The following KCNJ3 variants were observed in gnomAD, a reference collection of about 807,000 sequenced individuals.
The protein encoded by KCNJ3 is potassium inwardly rectifying channel subfamily J member 3.
In KCNJ3, 4 loss-of-function variants were observed where a neutral mutation model predicts 39.2. That is an observed-to-expected ratio of 0.10 (90% CI 0.05 to 0.23). The LOEUF (loss-of-function observed/expected upper bound fraction) is 0.23. Among genes scored for constraint, KCNJ3 ranks in the 10% least tolerant of loss-of-function variants. The pLI, the probability that KCNJ3 is intolerant of heterozygous loss-of-function variation, is 1.00. For synonymous variants in KCNJ3, 230 were observed against 237.4 expected (o/e 0.97, Z 0.29); for missense variants, 276 against 634.9 (o/e 0.43, Z 6.08).
chr2:154,854,920 A>G lies in KCNJ3; in HGVS notation c.1113A>G (p.Leu371=), dbSNP rs777428649. 6.2e-7 allele frequency: 1 copy of G among 1,614,034 alleles called. No individual in the cohort carries two copies. The highest frequency in any genetic ancestry group is 8.5e-7 in the Non-Finnish European group (1 of 1,179,942). The change falls in exon 3 of 3, where the codon TTA becomes TTG. Residue 371 remains leucine, a synonymous_variant. Coordinates refer to ENST00000295101, the MANE Select transcript of KCNJ3 (RefSeq NM_002239.4). ...QEEMLLMSSP[L]IAPAITNSKE... ...AAATGCTTCTCATGTCGTCCCCTTTAATAGCACCAGCCATAACTAACAGCA... is the reference window on the plus strand; with the variant it reads ...AAATGCTTCTCATGTCGTCCCCTTTGATAGCACCAGCCATAACTAACAGCA...
intron 2 of KCNJ3, among the ~76,000 whole-genome samples, chr2:154,846,323 G>T (rs1687662608): frequency 1.3e-5 from 2 of 152,084 alleles, no homozygotes; most frequent in African/African-American, 2.4e-5. Flanking sequence ...GATCACTAAA[G>T]AATTATTTAA....
Position 154,817,414 on chromosome 2 carries a change from C to T in KCNJ3, c.920-37313C>T, listed in dbSNP as rs189907531. Among the ~76,000 whole-genome samples the T allele has an allele frequency of 3.7e-3, 564 of 152,108 alleles. 4 individuals are homozygous for T. Among genetic ancestry groups the T allele is most frequent in the Non-Finnish European group, 6.7e-3 (455 of 67,982 alleles). On this transcript the variant is annotated intron_variant, in intron 2 of 2. Transcript: ENST00000295101. The stretch of plus-strand genomic sequence containing the variant: ...TTAGAGCTGGAGTTAGCTTTTTTGC[C>T]AGAAATCCAAGCCCCAGAGAGCAAG...
chr2:154,711,566 T>A (rs1289868584), intron 2 of KCNJ3, among the ~76,000 whole-genome samples: 2 of 152,150 alleles, frequency 1.3e-5, no homozygotes, highest in Non-Finnish European at 2.9e-5. Context: ...CGTTTTTCTA[T>A]AAAATCACGG....
chr2:154,754,792 A>G (rs938339842), intron 2 of KCNJ3, among the ~76,000 whole-genome samples: 3 of 152,152 alleles, frequency 2.0e-5, no homozygotes, highest in Non-Finnish European at 2.9e-5. Context: ...ATTTTTCTCC[A>G]TTTTTAAGAA....
At chr2:154,750,195 G>A (rs1350639701) in intron 2 of KCNJ3, among the ~76,000 whole-genome samples, 2 of 151,866 alleles carry the variant, frequency 1.3e-5, no homozygotes, top group African/African-American at 4.8e-5. Flanking sequence ...TGAAATAAGA[G>A]CTTCCTTATG....
chr2:154,844,539 A>T (rs780112711), intron 2 of KCNJ3, among the ~76,000 whole-genome samples: 1 of 152,202 alleles, frequency 6.6e-6, no homozygotes, highest in African/African-American at 2.4e-5. Flanking sequence ...TTGTTCAGCT[A>T]TGTCCTGCCC....
Position 154,739,963 on chromosome 2 carries a change from C to T in KCNJ3, c.919+30144C>T, listed in dbSNP as rs148831409. On this transcript the variant is annotated intron_variant, in intron 2 of 2. Transcript: ENST00000295101. ...GAGTTTTCCTCTCTGTAAATAGAAA[C>T]GAGAAGCAGTGGGGTATAGAAATGG... Among the ~76,000 whole-genome samples, 244 of 151,926 alleles carry T rather than the reference C, an allele frequency of 1.6e-3. 2 individuals are homozygous for T. Among genetic ancestry groups the T allele is most frequent in the African/African-American group, 5.7e-3 (237 of 41,456 alleles).
At chr2:154,778,496 A>G (rs780553110) in intron 2 of KCNJ3, among the ~76,000 whole-genome samples, 2 of 152,112 alleles carry the variant, frequency 1.3e-5, no homozygotes, top group East Asian at 1.9e-4. Context: ...CTACAATATC[A>G]GTCAGGGAGT....
intron 2 of KCNJ3, among the ~76,000 whole-genome samples, chr2:154,776,189 A>G (rs1275436663): frequency 6.6e-6 from 1 of 151,938 alleles, no homozygotes; most frequent in Non-Finnish European, 1.5e-5. Flanking sequence ...TTTAGTAGAG[A>G]TGGGGTTTCT....
intron 2 of KCNJ3, among the ~76,000 whole-genome samples, chr2:154,724,473 G>A (rs956580119): frequency 6.6e-6 from 1 of 151,912 alleles, no homozygotes; most frequent in Non-Finnish European, 1.5e-5. Context: ...TCAACTTTTC[G>A]TACAGCTCGA....
At chr2:154,785,792 C>G (rs1686519090) in intron 2 of KCNJ3, among the ~76,000 whole-genome samples, 1 of 152,170 alleles carries the variant, frequency 6.6e-6, no homozygotes, top group Non-Finnish European at 1.5e-5. Flanking sequence ...ATTTCCCCTT[C>G]TTATAAGGAT....
intron 2 of KCNJ3, among the ~76,000 whole-genome samples, chr2:154,773,002 G>A (rs1686268833): frequency 6.6e-6 from 1 of 151,908 alleles, no homozygotes; most frequent in Non-Finnish European, 1.5e-5. Context: ...AGTGCTGTAA[G>A]ATCTACAATC....
chr2:154,853,551 T>C (rs1687791058), intron 2 of KCNJ3, among the ~76,000 whole-genome samples: 1 of 152,114 alleles, frequency 6.6e-6, no homozygotes, highest in South Asian at 2.1e-4. Flanking sequence ...GGGATGGTTT[T>C]TAAAATTCAT....
At position 154,855,273 on chromosome 2, in the gene KCNJ3, C is replaced by G; in HGVS notation, c.1466C>G (p.Pro489Arg). ...GGAARMEGNL[P>R]AKLRKMNSDR... ...GCAGCTAGGATGGAAGGGAACCTTC[C>G]AGCCAAATTAAGAAAAATGAACTCT... is the stretch of plus-strand genomic sequence containing the variant. Residue 489 changes from proline (P) to arginine (R), a missense_variant, in exon 3 of 3, where the codon CCA becomes CGA. Physicochemically the swap from Pro to Arg is moderately radical, Grantham distance 103. Around this residue, in one of 4 missense-constraint regions of KCNJ3, gnomAD observed 126 missense variants for 179.8 expected, o/e 0.70. Transcript: ENST00000295101. 6.2e-7 allele frequency: 1 copy of G among 1,609,064 alleles called. No homozygotes were observed. The highest frequency in any genetic ancestry group is 8.5e-7 in the Non-Finnish European group (1 of 1,178,668).
At position 154,705,833 on chromosome 2, in the gene KCNJ3, C is replaced by T. The variant is rs572975163; in HGVS notation, c.703-3770C>T. Among the ~76,000 whole-genome samples, 33 of 151,908 alleles carry T rather than the reference C, an allele frequency of 2.2e-4. No individual in the cohort carries two copies. In the South Asian group the frequency reaches 6.2e-3, roughly 29 times the overall value. On this transcript the variant is annotated intron_variant, in intron 1 of 2. Coordinates refer to ENST00000295101, the MANE Select transcript of KCNJ3 (RefSeq NM_002239.4). ...TAGATTTCTTCAATTTTTATAACTC[C>T]CAGAATTTTTTGTAATGCAATCAAC...
chr2:154,728,151 C>G (rs1685391142), intron 2 of KCNJ3, among the ~76,000 whole-genome samples: 1 of 151,942 alleles, frequency 6.6e-6, no homozygotes, highest in Non-Finnish European at 1.5e-5. Flanking sequence ...CATTAGTACT[C>G]TATATCATAT....
intron 2 of KCNJ3, among the ~76,000 whole-genome samples, chr2:154,801,659 C>T (rs905994278): frequency 1.3e-5 from 2 of 150,974 alleles, no homozygotes; most frequent in Admixed American, 6.6e-5. Context: ...TACAGGGTCT[C>T]ATTCTGTCAC....
chr2:154,772,884 G>A (rs1022034639), intron 2 of KCNJ3, among the ~76,000 whole-genome samples: 7 of 151,808 alleles, frequency 4.6e-5, no homozygotes, highest in Admixed American at 2.0e-4. Context: ...AGTTAACCAA[G>A]TGTGATGATT....
At chr2:154,851,028 T>C (rs905831545) in intron 2 of KCNJ3, among the ~76,000 whole-genome samples, 1 of 152,070 alleles carries the variant, frequency 6.6e-6, no homozygotes, top group Admixed American at 6.6e-5. Context: ...GGTGGGAGGA[T>C]TACTTGAGGC....
Sources: allele counts gnomAD v4.1 joint callset (sites outside exome capture counted in the v4.1 genomes callset), GRCh38; gene constraint gnomAD v4.1.1; regional missense constraint gnomAD v4.1.1; transcripts MANE v1.5; gene names NCBI Gene and HGNC (gene_info 2026-07-23, HGNC 2026-07-21).